The following GALNT18 variants were observed in gnomAD, a reference collection of about 807,000 sequenced individuals.
GALNT18 encodes polypeptide N-acetylgalactosaminyltransferase 18, also known as GalNAc-transferase 18.
In GALNT18, 44 loss-of-function variants were observed where a neutral mutation model predicts 69.5. The observed-to-expected ratio is 0.63, with a 90% CI of 0.50 to 0.81. The LOEUF is 0.81. GALNT18 is among the 40% of genes least tolerant of loss of function. The probability of loss-of-function intolerance (pLI) is 0.00; values close to 1 mark genes in which losing one functional copy is unlikely to be tolerated. For missense variants in GALNT18, 715 were observed against 810.0 expected (o/e 0.88, Z 1.42); for synonymous variants, 364 against 318.2 (o/e 1.14, Z -1.53).
chr11:11,584,177 C>G lies in GALNT18; in HGVS notation c.235+37182G>C, dbSNP rs1429086032. Reference sequence around the variant, plus strand: ...GGGAACTTGGTTCCAAATGGTAGGACAAGTGGGCCAGCGGCAATAAAATTA... The same window carrying G: ...GGGAACTTGGTTCCAAATGGTAGGAGAAGTGGGCCAGCGGCAATAAAATTA... On this transcript the variant is annotated intron_variant, in intron 1 of 10. Transcript: ENST00000227756. This position sits in a 1 kb window ranked among gnomAD's most constrained non-coding sequence, Gnocchi z 4.1. Among the ~76,000 whole-genome samples the G allele has an allele frequency of 6.6e-6, 1 of 152,014 alleles. No individual in the cohort carries two copies. Among genetic ancestry groups the G allele is most frequent in the African/African-American group, 2.4e-5 (1 of 41,378 alleles).
rs1447668429 is a variant in GALNT18, at chr11:11,332,626, C to T, written c.1416+68G>A. On this transcript the variant is annotated intron_variant, in intron 8 of 10. Coordinates refer to ENST00000227756, the MANE Select transcript of GALNT18 (RefSeq NM_198516.3). This position sits in a 1 kb window ranked among gnomAD's most constrained non-coding sequence, Gnocchi z 4.3. Reference sequence around the variant, plus strand: ...GCAGCTGAGAGGCTCTTTCCCTCCTCTCCCTTTCTTCACTATGTTTCTTTC... The same window carrying T: ...GCAGCTGAGAGGCTCTTTCCCTCCTTTCCCTTTCTTCACTATGTTTCTTTC... The T allele has an allele frequency of 6.4e-7, 1 of 1,574,516 alleles. No homozygotes were observed. Among genetic ancestry groups the T allele is most frequent in the African/African-American group, 1.3e-5 (1 of 74,172 alleles).
Position 11,377,107 on chromosome 11 carries a change from T to C in GALNT18, c.977+75A>G. 2 of 1,400,664 alleles carry C rather than the reference T, an allele frequency of 1.4e-6. No individual in the cohort carries two copies. The highest frequency in any genetic ancestry group is 3.5e-5 in the Admixed American group (2 of 57,228). 86.8% of individuals were successfully genotyped at this position (1,400,664 alleles called of 1,614,324 possible). A position where few individuals can be genotyped will look rare whatever the true frequency, so the allele number is the denominator to read the frequency against. ...CCACGATGGGGCTCAAGTTGGAGAA[T>C]AAGCATTGGACCAGTAGGCGGTCCC... On this transcript the variant is annotated intron_variant, in intron 5 of 10. Transcript: ENST00000227756. The surrounding 1 kb of genome is among the most constrained non-coding windows in gnomAD (Gnocchi z 4.6).
chr11:11,487,681 C>T (rs1381638443), intron 1 of GALNT18, among the ~76,000 whole-genome samples: 1 of 152,162 alleles, frequency 6.6e-6, no homozygotes, highest in African/African-American at 2.4e-5. Context: ...ACAGTGGCAG[C>T]CCCAAGCATT....
At chr11:11,397,194 G>T (rs1024538498) in intron 3 of GALNT18, among the ~76,000 whole-genome samples, 1 of 152,148 alleles carries the variant, frequency 6.6e-6, no homozygotes, top group African/African-American at 2.4e-5. Flanking sequence ...CACCCACAAA[G>T]AATTGAGTGG....
In GALNT18 at chr11:11,292,681, T is replaced by C. The variant is rs112421817; in HGVS notation, c.1677+348A>G. On this transcript the variant is annotated intron_variant, in intron 10 of 10. Coordinates refer to ENST00000227756, the MANE Select transcript of GALNT18 (RefSeq NM_198516.3). ...AAGACCTGAGTTTATATCCCAGCCC[T>C]GCCCCAGCTGTGAGACTCTGGGCAG... Among the ~76,000 whole-genome samples the C allele has an allele frequency of 3.0e-3, 451 of 152,300 alleles. 7 individuals carry two copies. The highest frequency in any genetic ancestry group is 0.01 in the African/African-American group (428 of 41,570).
intron 9 of GALNT18, among the ~76,000 whole-genome samples, chr11:11,304,351 A>G (rs1849543360): frequency 6.6e-6 from 1 of 152,204 alleles, no homozygotes; most frequent in Admixed American, 6.5e-5. Flanking sequence ...CTTCAAATTA[A>G]CAAATACAGT....
intron 3 of GALNT18, among the ~76,000 whole-genome samples, chr11:11,384,619 T>G (rs1357884663): frequency 6.6e-6 from 1 of 152,172 alleles, no homozygotes; most frequent in Non-Finnish European, 1.5e-5. Flanking sequence ...TAAATGGGAT[T>G]AGTGCACTTA....
intron 9 of GALNT18, among the ~76,000 whole-genome samples, chr11:11,321,828 C>T (rs1457914280): frequency 6.6e-6 from 1 of 152,220 alleles, no homozygotes; most frequent in African/African-American, 2.4e-5. Context: ...TGGTCTCGAA[C>T]TCCTGACCTC....
intron 3 of GALNT18, among the ~76,000 whole-genome samples, chr11:11,412,902 C>T (rs932463555): frequency 1.3e-5 from 2 of 152,172 alleles, no homozygotes; most frequent in African/African-American, 2.4e-5. Flanking sequence ...GAAATTAACA[C>T]CCCCAGAAAG....
chr11:11,364,301 T>C (rs970542784), intron 6 of GALNT18, among the ~76,000 whole-genome samples: 3 of 152,210 alleles, frequency 2.0e-5, no homozygotes, highest in African/African-American at 7.2e-5. Context: ...TCAGCAATGA[T>C]GGTTAGCATC....
intron 1 of GALNT18, among the ~76,000 whole-genome samples, chr11:11,508,718 C>G (rs1012107863): frequency 1.3e-5 from 2 of 152,316 alleles, no homozygotes; most frequent in South Asian, 2.1e-4. Context: ...GATAATGAAG[C>G]CTTTGGCACT....
chr11:11,398,365 T>C lies in GALNT18; in HGVS notation c.596-19101A>G, dbSNP rs377094369. On this transcript the variant is annotated intron_variant, in intron 3 of 10. Transcript: ENST00000227756. ...AGAGGAAAGGGCTAAATAGTCACCA[T>C]AGGAAATATTGGCTGTGAGGCAGCA... Among the ~76,000 whole-genome samples, 227 of 152,330 alleles carry C rather than the reference T, an allele frequency of 1.5e-3. 1 individual carries two copies. The highest frequency in any genetic ancestry group is 5.0e-3 in the African/African-American group (208 of 41,584).
chr11:11,271,069 C>T lies in GALNT18; in HGVS notation c.*75G>A, dbSNP rs554007248. The T allele has an allele frequency of 3.8e-5, 54 of 1,425,016 alleles. No homozygotes were observed. In the Admixed American group the frequency reaches 8.3e-4, roughly 22 times the overall value. The allele number at this position is 1,425,016 out of a possible 1,614,324, so 88.3% of individuals were successfully genotyped here. ...CTGGTTCCCCAGACTCCAAACAACC[C>T]CACGTGGACAGCAGGCAACGTTGCA... is the stretch of plus-strand genomic sequence containing the variant. On this transcript the variant is annotated 3_prime_UTR_variant, in exon 11 of 11. Transcript: ENST00000227756.
Position 11,600,305 on chromosome 11 carries a change from C to T in GALNT18, c.235+21054G>A, listed in dbSNP as rs1431951085. ...GCCTGAAGAACAATCTGTAGTATTT[C>T]TTGTAAGATGGACCTGATAACAACA... On this transcript the variant is annotated intron_variant, in intron 1 of 10. Coordinates refer to ENST00000227756, the MANE Select transcript of GALNT18 (RefSeq NM_198516.3). This position sits in a 1 kb window ranked among gnomAD's most constrained non-coding sequence, Gnocchi z 4.8. Among the ~76,000 whole-genome samples, 1 of 152,014 alleles carries T rather than the reference C, an allele frequency of 6.6e-6. No homozygotes were observed. Among genetic ancestry groups the T allele is most frequent in the Non-Finnish European group, 1.5e-5 (1 of 67,950 alleles).
In GALNT18 at chr11:11,377,465, G is replaced by T; in HGVS notation, c.780-86C>A. On this transcript the variant is annotated intron_variant, in intron 4 of 10. Coordinates refer to ENST00000227756, the MANE Select transcript of GALNT18 (RefSeq NM_198516.3). This position sits in a 1 kb window ranked among gnomAD's most constrained non-coding sequence, Gnocchi z 4.6. Reference sequence around the variant, plus strand: ...AGCATCTCCTGAAGGTCCTTCCCCAGCAGAAAGAGGAAGGAAGGCCTGCCC... The same window carrying T: ...AGCATCTCCTGAAGGTCCTTCCCCATCAGAAAGAGGAAGGAAGGCCTGCCC... The T allele has an allele frequency of 8.3e-7, 1 of 1,204,554 alleles. No individual in the cohort carries two copies. Among genetic ancestry groups the T allele is most frequent in the Non-Finnish European group, 1.2e-6 (1 of 826,238 alleles). The allele number at this position is 1,204,554 out of a possible 1,614,324, so 74.6% of individuals were successfully genotyped here.
intron 1 of GALNT18, among the ~76,000 whole-genome samples, chr11:11,471,259 G>A (rs181688076): frequency 3.0e-4 from 45 of 152,126 alleles, no homozygotes; most frequent in African/African-American, 6.5e-4. Flanking sequence ...AGAACATGGC[G>A]TCGGGCTCAG....
At chr11:11,437,077 C>G (rs942287006) in intron 2 of GALNT18, among the ~76,000 whole-genome samples, 3 of 152,204 alleles carry the variant, frequency 2.0e-5, no homozygotes, top group Non-Finnish European at 4.4e-5. Flanking sequence ...CCTCCCTCCC[C>G]TCTGCCCTGA....
chr11:11,529,087 A>G (rs1857583277), intron 1 of GALNT18, among the ~76,000 whole-genome samples: 1 of 152,228 alleles, frequency 6.6e-6, no homozygotes. Context: ...GGGGTTTACC[A>G]AAAGTTCCAG....
chr11:11,467,170 T>C (rs10765854), intron 1 of GALNT18, among the ~76,000 whole-genome samples: 122,321 of 152,080 alleles, frequency 0.8, 49,616 homozygotes, highest in South Asian at 0.9. Flanking sequence ...GCATATGCTA[T>C]GTGTGCCCAC....
Sources: allele counts gnomAD v4.1 joint callset (sites outside exome capture counted in the v4.1 genomes callset), GRCh38; gene constraint gnomAD v4.1.1; non-coding constraint Gnocchi (gnomAD v3.1); transcripts MANE v1.5; gene names NCBI Gene and HGNC (gene_info 2026-07-23, HGNC 2026-07-21).